AGPS: variants seen among roughly 807,000 people sequenced by gnomAD.
The protein encoded by AGPS is alkyldihydroxyacetonephosphate synthase, peroxisomal.
In AGPS, 26 loss-of-function variants were observed where a neutral mutation model predicts 90.7. The observed-to-expected ratio is 0.29, with a 90% confidence interval of 0.21 to 0.40. The LOEUF is 0.40. Among genes scored for constraint, AGPS ranks in the 10% least tolerant of loss-of-function variants. The pLI is 1.00. For synonymous variants in AGPS, 294 were observed against 285.3 expected (o/e 1.03, Z -0.31); for missense variants, 540 against 816.1 (o/e 0.66, Z 4.12).
At chr2:177,457,619 C>A (rs1687159014) in intron 8 of AGPS, among the ~76,000 whole-genome samples, 1 of 152,132 alleles carries the variant, frequency 6.6e-6, no homozygotes, top group Non-Finnish European at 1.5e-5. Flanking sequence ...TACACCCTCC[C>A]AAGTCTAAGC....
At chr2:177,425,579 C>T (rs1686056537) in intron 2 of AGPS, among the ~76,000 whole-genome samples, 1 of 147,028 alleles carries the variant, frequency 6.8e-6, no homozygotes, top group African/African-American at 2.6e-5. Flanking sequence ...CAAGATCACG[C>T]CATTGCACTC....
intron 18 of AGPS, among the ~76,000 whole-genome samples, chr2:177,523,074 T>G (rs1305578266): frequency 1.3e-5 from 2 of 152,088 alleles, no homozygotes; most frequent in Non-Finnish European, 2.9e-5. Context: ...TAAAACGAGG[T>G]TTTTCTTTTC....
intron 2 of AGPS, among the ~76,000 whole-genome samples, chr2:177,420,704 G>C (rs566465093): frequency 6.6e-6 from 1 of 151,710 alleles, no homozygotes; most frequent in Non-Finnish European, 1.5e-5. Context: ...ATCTTTTATA[G>C]GTAGTTTATT....
chr2:177,414,439 G>T (rs968708078), intron 1 of AGPS, among the ~76,000 whole-genome samples: 4 of 152,046 alleles, frequency 2.6e-5, no homozygotes, highest in Non-Finnish European at 5.9e-5. Flanking sequence ...GAACTTCAAG[G>T]CTCAAGTTAT....
intron 2 of AGPS, 31 bp downstream of exon 2, chr2:177,420,389 T>G: frequency 6.8e-7 from 1 of 1,469,300 alleles, no homozygotes; most frequent in Non-Finnish European, 9.5e-7. Flanking sequence ...CTTTTGTTCC[T>G]CCTTTAATTC....
intron 1 of AGPS, among the ~76,000 whole-genome samples, chr2:177,394,389 C>T (rs1685109726): frequency 6.6e-6 from 1 of 151,946 alleles, no homozygotes; most frequent in African/African-American, 2.4e-5. Context: ...AATAGTTTGC[C>T]AAAGGGGGAA....
intron 7 of AGPS, among the ~76,000 whole-genome samples, chr2:177,443,145 T>C (rs776169503): frequency 2.6e-5 from 4 of 152,236 alleles, no homozygotes; most frequent in Non-Finnish European, 5.9e-5. Flanking sequence ...ATAATCTCGT[T>C]TAAAAAGGAC....
intron 1 of AGPS, among the ~76,000 whole-genome samples, chr2:177,403,253 T>C (rs1257358373): frequency 6.6e-6 from 1 of 152,152 alleles, no homozygotes; most frequent in Non-Finnish European, 1.5e-5. Flanking sequence ...TGGTGACTAC[T>C]ACAACAATGG....
chr2:177,496,010 A>C (rs1426891147), intron 12 of AGPS, among the ~76,000 whole-genome samples: 2 of 152,044 alleles, frequency 1.3e-5, no homozygotes, highest in Non-Finnish European at 2.9e-5. Context: ...GAAAAAGTAA[A>C]AGATAATATT....
intron 11 of AGPS, among the ~76,000 whole-genome samples, chr2:177,485,720 C>T (rs1049556461): frequency 6.6e-6 from 1 of 152,030 alleles, no homozygotes; most frequent in African/African-American, 2.4e-5. Flanking sequence ...AGTTTGAGAC[C>T]AGTCTGGGCA....
chr2:177,433,561 T>C (rs759889397), intron 2 of AGPS, among the ~76,000 whole-genome samples: 1 of 152,268 alleles, frequency 6.6e-6, no homozygotes, highest in Non-Finnish European at 1.5e-5. Flanking sequence ...TTTTCTTGAA[T>C]ATGAGTCATA....
intron 1 of AGPS, among the ~76,000 whole-genome samples, chr2:177,411,361 C>T (rs1685615529): frequency 6.6e-6 from 1 of 152,186 alleles, no homozygotes. Context: ...TTATAGTGGA[C>T]AACACTGAAT....
intron 1 of AGPS, among the ~76,000 whole-genome samples, chr2:177,397,063 C>T (rs1459084153): frequency 2.0e-5 from 3 of 151,838 alleles, no homozygotes; most frequent in African/African-American, 4.8e-5. Flanking sequence ...CCTCAGCCTC[C>T]GGAGTAGCTG....
intron 2 of AGPS, among the ~76,000 whole-genome samples, chr2:177,434,056 A>C (rs1384671461): frequency 6.6e-6 from 1 of 152,020 alleles, no homozygotes. Flanking sequence ...AAAAAACAAA[A>C]CCAAACTGGA....
intron 1 of AGPS, among the ~76,000 whole-genome samples, chr2:177,416,118 A>G (rs981949637): frequency 5.3e-5 from 8 of 152,220 alleles, no homozygotes; most frequent in Admixed American, 4.6e-4. Flanking sequence ...CCATGCATAT[A>G]TATCAGGATG....
intron 3 of AGPS, among the ~76,000 whole-genome samples, chr2:177,434,997 G>GGGTGTATATATATATATATATATATA (rs36151985): frequency 2.3e-5 from 3 of 128,160 alleles, no homozygotes; most frequent in African/African-American, 9.2e-5. Flanking sequence ...TAAACTGTAG[G>GGGTGTATATATATATATATATATATA]TATATATATA....
At chr2:177,475,160 CTG>C (rs1687744621) in intron 10 of AGPS, among the ~76,000 whole-genome samples, 1 of 152,154 alleles carries the variant, frequency 6.6e-6, no homozygotes, top group South Asian at 2.1e-4. Flanking sequence ...CAACAACTAA[CTG>C]TGAACATGAG....
chr2:177,419,889 T>C (rs1432979279), intron 1 of AGPS, among the ~76,000 whole-genome samples: 1 of 151,864 alleles, frequency 6.6e-6, no homozygotes, highest in Non-Finnish European at 1.5e-5. Flanking sequence ...TTTTCTCATG[T>C]GTAAAACTTT....
In AGPS at chr2:177,420,265, C is replaced by T. The variant is rs999450405; in HGVS notation, c.261-4C>T. Reference sequence around the variant, plus strand: ...CTCACTTATATATATTTTCTTCTCACTAGGCAAGAAGTTATGAAATGGAAT... The same window carrying T: ...CTCACTTATATATATTTTCTTCTCATTAGGCAAGAAGTTATGAAATGGAAT... On this transcript the variant is annotated splice_polypyrimidine_tract_variant and splice_region_variant and intron_variant, in intron 1 of 19. Coordinates refer to ENST00000264167, the MANE Select transcript of AGPS (RefSeq NM_003659.4). The T allele has an allele frequency of 1.9e-6, 3 of 1,591,428 alleles. No homozygotes were observed. The highest frequency in any genetic ancestry group is 2.6e-6 in the Non-Finnish European group (3 of 1,160,374).
Sources: allele counts gnomAD v4.1 joint callset (sites outside exome capture counted in the v4.1 genomes callset), GRCh38; gene constraint gnomAD v4.1.1; transcripts MANE v1.5; gene names NCBI Gene and HGNC (gene_info 2026-07-23, HGNC 2026-07-21).